DYM: variants seen among roughly 807,000 people sequenced by gnomAD.
DYM encodes dymeclin.
In DYM, 78 loss-of-function variants were observed where a neutral mutation model predicts 93.1. That is an observed-to-expected ratio of 0.84 (90% confidence interval 0.70 to 1.01). The LOEUF is 1.01. Among genes scored for constraint, DYM ranks in the 50% least tolerant of loss-of-function variants. The pLI is 0.00. For missense variants in DYM, 789 were observed against 845.0 expected (o/e 0.93, Z 0.82); for synonymous variants, 321 against 319.7 (o/e 1.00, Z -0.04).
intron 8 of DYM, among the ~76,000 whole-genome samples, chr18:49,295,533 T>C (rs922173479): frequency 1.3e-5 from 2 of 152,202 alleles, no homozygotes; most frequent in Admixed American, 1.3e-4. Flanking sequence ...AAACCATGTA[T>C]GAGGACACTG....
intron 10 of DYM, among the ~76,000 whole-genome samples, chr18:49,280,633 G>C (rs1568161689): frequency 6.6e-6 from 1 of 152,200 alleles, no homozygotes; most frequent in Non-Finnish European, 1.5e-5. Flanking sequence ...ACGCTGCGGT[G>C]TCCTGCTCTG....
chr18:49,336,300 T>G (rs2063671280), intron 6 of DYM, among the ~76,000 whole-genome samples: 1 of 152,124 alleles, frequency 6.6e-6, no homozygotes, highest in African/African-American at 2.4e-5. Context: ...AGAATACGTA[T>G]TTAGAAAAAA....
chr18:49,166,205 T>C lies in DYM; in HGVS notation c.1626-2418A>G, dbSNP rs138556425. ...CAGAAACCTTATATGCATTAATGCA[T>C]GTAAACAAATGCATACTGTATACAT... On this transcript the variant is annotated intron_variant, in intron 14 of 17. Transcript: ENST00000675505. 7.9e-5 allele frequency among the ~76,000 whole-genome samples: 12 copies of C among 152,354 alleles called. No homozygotes were observed. In the East Asian group the frequency reaches 1.9e-3, roughly 24 times the overall value.
chr18:49,352,070 T>C (rs1193472613), intron 6 of DYM, among the ~76,000 whole-genome samples: 3 of 152,232 alleles, frequency 2.0e-5, no homozygotes, highest in Non-Finnish European at 2.9e-5. Context: ...ATCCATGCTA[T>C]AACTAGAATG....
intron 16 of DYM, among the ~76,000 whole-genome samples, chr18:49,114,965 T>G (rs976401356): frequency 2.0e-5 from 3 of 152,246 alleles, no homozygotes; most frequent in Non-Finnish European, 4.4e-5. Flanking sequence ...TGAATGTGTA[T>G]AGTGGTTAGG....
At position 49,145,108 on chromosome 18, in the gene DYM, CAT is replaced by C. The variant is rs56212722; in HGVS notation, c.1728+18575_1728+18576del. 2.0e-3 allele frequency among the ~76,000 whole-genome samples: 37 copies of C among 18,754 alleles called. 3 individuals are homozygous for C. Among genetic ancestry groups the C allele is most frequent in the African/African-American group, 2.8e-3 (24 of 8,452 alleles). 12.3% of individuals were successfully genotyped at this position (18,754 alleles called of 152,430 possible). On this transcript the variant is annotated intron_variant, in intron 15 of 17. Transcript: ENST00000675505. Reference sequence around the variant, plus strand: ...TGCAAGATCCCGTCTCAAAAAAATTCATATATATATATATATATATATATATA... The same window carrying C: ...TGCAAGATCCCGTCTCAAAAAAATTCATATATATATATATATATATATATA...
intron 13 of DYM, among the ~76,000 whole-genome samples, chr18:49,236,489 A>AT (rs2093869587): frequency 6.8e-6 from 1 of 146,586 alleles, no homozygotes; most frequent in South Asian, 2.2e-4. Flanking sequence ...CAAAAAAAAA[A>AT]ATAAATAAAT....
At chr18:49,361,530 T>C (rs1368624256) in intron 6 of DYM, among the ~76,000 whole-genome samples, 2 of 152,122 alleles carry the variant, frequency 1.3e-5, no homozygotes, top group Admixed American at 6.5e-5. Flanking sequence ...GAGATGTAAA[T>C]TGGTTCCACA....
At chr18:49,060,045 C>G (rs906768751) in intron 17 of DYM, among the ~76,000 whole-genome samples, 2 of 152,074 alleles carry the variant, frequency 1.3e-5, no homozygotes, top group Non-Finnish European at 2.9e-5. Context: ...GGTCCCTGCC[C>G]TTAAGGATCT....
chr18:49,101,821 C>T (rs1304870044), intron 16 of DYM, among the ~76,000 whole-genome samples: 1 of 152,078 alleles, frequency 6.6e-6, no homozygotes, highest in Non-Finnish European at 1.5e-5. Flanking sequence ...ATAGATGATA[C>T]CATTTTCTCT....
At chr18:49,255,677 A>G (rs1304583164) in intron 13 of DYM, among the ~76,000 whole-genome samples, 4 of 150,850 alleles carry the variant, frequency 2.7e-5, no homozygotes, top group Non-Finnish European at 5.9e-5. Flanking sequence ...TGTCTCAAAA[A>G]AAAAAAAAAA....
chr18:49,129,399 T>G (rs1370229101), intron 15 of DYM, among the ~76,000 whole-genome samples: 1 of 152,162 alleles, frequency 6.6e-6, no homozygotes, highest in Non-Finnish European at 1.5e-5. Context: ...CTTCTTAAGT[T>G]CATCAGAATA....
chr18:49,304,193 T>C (rs565217605), intron 8 of DYM, among the ~76,000 whole-genome samples: 1 of 152,358 alleles, frequency 6.6e-6, no homozygotes, highest in Middle Eastern at 3.4e-3. Context: ...GTTAAGACCA[T>C]AGTCTGCCAA....
chr18:49,424,248 C>T (rs2148385876), intron 2 of DYM, among the ~76,000 whole-genome samples: 1 of 152,220 alleles, frequency 6.6e-6, no homozygotes, highest in East Asian at 1.9e-4. Flanking sequence ...TCAACATATG[C>T]AAATCAATAA....
intron 17 of DYM, among the ~76,000 whole-genome samples, chr18:49,054,067 G>A (rs1183142318): frequency 6.6e-6 from 1 of 152,190 alleles, no homozygotes; most frequent in Non-Finnish European, 1.5e-5. Context: ...CATCAGTTCA[G>A]CTAAATTGTT....
intron 8 of DYM, among the ~76,000 whole-genome samples, chr18:49,292,736 G>A (rs1186120682): frequency 6.6e-6 from 1 of 151,576 alleles, no homozygotes; most frequent in Non-Finnish European, 1.5e-5. Context: ...TGTATCCCTT[G>A]GGTCTTCCAA....
intron 16 of DYM, among the ~76,000 whole-genome samples, chr18:49,104,625 T>C (rs1177397141): frequency 6.6e-6 from 1 of 152,214 alleles, no homozygotes; most frequent in Non-Finnish European, 1.5e-5. Context: ...CATGAAGTGT[T>C]GTTGAATTTT....
In DYM at chr18:49,167,221, ACT is replaced by A. The variant is rs547467747; in HGVS notation, c.1626-3436_1626-3435del. ...ACTGATTTTAAAAGAGAGTATGAAC[ACT>A]CTGTTTTGCTTGCTAGTAGGACACC... On this transcript the variant is annotated intron_variant, in intron 14 of 17. Transcript: ENST00000675505. Among the ~76,000 whole-genome samples, 114 of 152,124 alleles carry A rather than the reference ACT, an allele frequency of 7.5e-4. 2 individuals carry two copies. The highest frequency in any genetic ancestry group is 2.7e-3 in the African/African-American group (112 of 41,486).
At chr18:49,077,285 C>T (rs1599562252) in intron 17 of DYM, among the ~76,000 whole-genome samples, 1 of 152,304 alleles carries the variant, frequency 6.6e-6, no homozygotes, top group East Asian at 1.9e-4. Context: ...CCCCTGGGCC[C>T]AAGGAAGCCA....
Sources: allele counts gnomAD v4.1 joint callset (sites outside exome capture counted in the v4.1 genomes callset), GRCh38; gene constraint gnomAD v4.1.1; transcripts MANE v1.5; gene names NCBI Gene and HGNC (gene_info 2026-07-23, HGNC 2026-07-21).